Variants in SLC4A10 observed in about 807,000 individuals in gnomAD.
SLC4A10 encodes solute carrier family 4 member 10.
In SLC4A10, 42 loss-of-function variants were observed where a neutral mutation model predicts 137.7. The observed-to-expected ratio is 0.30, with a 90% confidence interval of 0.24 to 0.39. The LOEUF (loss-of-function observed/expected upper bound fraction) is 0.39. SLC4A10 is among the 10% of genes least tolerant of loss of function. The pLI, the probability that SLC4A10 is intolerant of heterozygous loss-of-function variation, is 1.00. For missense variants in SLC4A10, 925 were observed against 1,355.0 expected, an observed-to-expected ratio of 0.68 and a Z score of 4.98; for synonymous variants, 474 against 464.1, an observed-to-expected ratio of 1.02 and a Z score of -0.27.
intron 1 of SLC4A10, among the ~76,000 whole-genome samples, chr2:161,648,284 T>C (rs1305709429): frequency 6.6e-6 from 1 of 152,150 alleles, no homozygotes; most frequent in Non-Finnish European, 1.5e-5. Flanking sequence ...CTTTTCAAAA[T>C]AGATAATCTT....
chr2:161,965,731 T>A (rs954375895), intron 23 of SLC4A10, among the ~76,000 whole-genome samples: 1 of 152,198 alleles, frequency 6.6e-6, no homozygotes, highest in African/African-American at 2.4e-5. Context: ...AATTTATTTT[T>A]ACAGGCTACT....
chr2:161,822,847 C>T (rs912559684), intron 3 of SLC4A10, among the ~76,000 whole-genome samples: 3 of 152,036 alleles, frequency 2.0e-5, no homozygotes, highest in Non-Finnish European at 2.9e-5. Context: ...TGGTGATGCG[C>T]ACCTGTAGTC....
intron 15 of SLC4A10, among the ~76,000 whole-genome samples, chr2:161,927,475 T>A (rs1302837760): frequency 6.6e-6 from 1 of 152,082 alleles, no homozygotes; most frequent in Non-Finnish European, 1.5e-5. Context: ...GGACTTCATG[T>A]CTAAAACACC....
chr2:161,631,218 C>T (rs1005719706), intron 1 of SLC4A10, among the ~76,000 whole-genome samples: 21 of 151,450 alleles, frequency 1.4e-4, no homozygotes, highest in Non-Finnish European at 2.5e-4. Context: ...AATTACGTGG[C>T]GGTGATGGTT....
In SLC4A10 at chr2:161,760,862, C is replaced by A. The variant is rs151317141; in HGVS notation, c.49-10111C>A. ...GTACATAAGAATATATCAATGGATA[C>A]GTGGATAAAGAGAATGTGGTATATA... is the stretch of plus-strand genomic sequence containing the variant. On this transcript the variant is annotated intron_variant, in intron 1 of 26. Coordinates refer to ENST00000446997, the MANE Select transcript of SLC4A10 (RefSeq NM_001178015.2). Among the ~76,000 whole-genome samples the A allele has an allele frequency of 2.0e-5, 3 of 151,720 alleles. No homozygotes were observed. In the East Asian group the frequency reaches 5.8e-4, roughly 29 times the overall value.
At chr2:161,672,754 A>G (rs1007072760) in intron 1 of SLC4A10, among the ~76,000 whole-genome samples, 1 of 152,218 alleles carries the variant, frequency 6.6e-6, no homozygotes, top group Admixed American at 6.6e-5. Flanking sequence ...CTGAGTCAGT[A>G]TTAAATCCCA....
At chr2:161,743,137 G>A (rs1451249592) in intron 1 of SLC4A10, among the ~76,000 whole-genome samples, 2 of 152,060 alleles carry the variant, frequency 1.3e-5, no homozygotes, top group Non-Finnish European at 2.9e-5. Flanking sequence ...TCCCATTTGT[G>A]TATTACCTGT....
chr2:161,923,960 T>C (rs1688608664), intron 15 of SLC4A10, among the ~76,000 whole-genome samples: 1 of 152,146 alleles, frequency 6.6e-6, no homozygotes, highest in Admixed American at 6.5e-5. Flanking sequence ...TGGATTTGAA[T>C]GAACATAGGA....
At chr2:161,792,082 T>C (rs1052052260) in intron 2 of SLC4A10, among the ~76,000 whole-genome samples, 3 of 152,136 alleles carry the variant, frequency 2.0e-5, no homozygotes, top group Non-Finnish European at 4.4e-5. Context: ...TTAGTATGAG[T>C]TTCTACTTAT....
chr2:161,850,279 C>T (rs1472938856), intron 4 of SLC4A10, among the ~76,000 whole-genome samples: 2 of 152,006 alleles, frequency 1.3e-5, no homozygotes, highest in Non-Finnish European at 2.9e-5. Flanking sequence ...GTAGTCCCAG[C>T]TACTTGTGAT....
At chr2:161,888,300 T>A (rs543914912) in intron 10 of SLC4A10, among the ~76,000 whole-genome samples, 3 of 152,146 alleles carry the variant, frequency 2.0e-5, no homozygotes, top group Non-Finnish European at 1.5e-5. Flanking sequence ...CCATATGAAA[T>A]TTAAAGTCGT....
At chr2:161,656,219 G>A (rs912876721) in intron 1 of SLC4A10, among the ~76,000 whole-genome samples, 3 of 152,060 alleles carry the variant, frequency 2.0e-5, no homozygotes, top group Non-Finnish European at 4.4e-5. Context: ...AACAGAATGA[G>A]GGATAAAAAT....
chr2:161,885,786 G>A lies in SLC4A10; in HGVS notation c.1194+3342G>A, dbSNP rs182464342. On this transcript the variant is annotated intron_variant, in intron 10 of 26. Transcript: ENST00000446997. ...AACTTAAAACTGAGAAATTTAAAAA[G>A]TATGTGTTAATGAATTCATTTAAAA... Among the ~76,000 whole-genome samples the A allele has an allele frequency of 2.0e-4, 31 of 152,226 alleles. No homozygotes were observed. In the East Asian group the frequency reaches 6.0e-3, roughly 29 times the overall value.
intron 1 of SLC4A10, among the ~76,000 whole-genome samples, chr2:161,696,504 G>C (rs34169753): frequency 7.9e-6 from 1 of 126,734 alleles, no homozygotes; most frequent in African/African-American, 3.0e-5. Context: ...CCCTTCCTGT[G>C]TCCATGTGTT....
chr2:161,718,047 G>A lies in SLC4A10; in HGVS notation c.49-52926G>A, dbSNP rs112449632. 6.3e-3 allele frequency among the ~76,000 whole-genome samples: 956 copies of A among 152,262 alleles called. 7 individuals are homozygous for A. Among genetic ancestry groups the A allele is most frequent in the African/African-American group, 0.022 (908 of 41,558 alleles). ...GGGTCAGTGTGAGGAGGGTGTATGT[G>A]TCCAGGAATTTATCCATTTCTCCTA... On this transcript the variant is annotated intron_variant, in intron 1 of 26. Coordinates refer to ENST00000446997, the MANE Select transcript of SLC4A10 (RefSeq NM_001178015.2).
chr2:161,814,806 A>G (rs567705289), intron 3 of SLC4A10, among the ~76,000 whole-genome samples: 4 of 152,192 alleles, frequency 2.6e-5, no homozygotes, highest in African/African-American at 7.2e-5. Flanking sequence ...TAAAAAAGTA[A>G]CTATTGGGTA....
intron 8 of SLC4A10, among the ~76,000 whole-genome samples, chr2:161,874,573 T>A (rs2125934326): frequency 6.6e-6 from 1 of 152,338 alleles, no homozygotes; most frequent in Non-Finnish European, 1.5e-5. Context: ...TTTCTTTTAA[T>A]CCTTTTCTTT....
chr2:161,894,881 C>A lies in SLC4A10; in HGVS notation c.1341+56C>A, dbSNP rs1342371616. ...TGAATTTTTTTTTGTCTTTTAAATG[C>A]ATGTTTTATTTTATTTTATTTATTT... On this transcript the variant is annotated intron_variant, in intron 11 of 26. Coordinates refer to ENST00000446997, the MANE Select transcript of SLC4A10 (RefSeq NM_001178015.2). 17 of 1,072,492 alleles carry A rather than the reference C, an allele frequency of 1.6e-5. No individual in the cohort carries two copies. The South Asian group carries it at 4.7e-4, about 30-fold the overall frequency. 66.4% of individuals were successfully genotyped at this position (1,072,492 alleles called of 1,614,324 possible). A position where few individuals can be genotyped will look rare whatever the true frequency, so the allele number is the denominator to read the frequency against.
At chr2:161,745,623 G>C (rs891930356) in intron 1 of SLC4A10, among the ~76,000 whole-genome samples, 11 of 152,004 alleles carry the variant, frequency 7.2e-5, no homozygotes, top group African/African-American at 2.4e-4. Context: ...TAATGCTTGG[G>C]ATATTTATTG....
Sources: allele counts gnomAD v4.1 joint callset (sites outside exome capture counted in the v4.1 genomes callset), GRCh38; gene constraint gnomAD v4.1.1; transcripts MANE v1.5; gene names NCBI Gene and HGNC (gene_info 2026-07-23, HGNC 2026-07-21).